The following UTRN variants were observed in gnomAD, a reference collection of about 807,000 sequenced individuals.
The protein encoded by UTRN is dystrophin-related protein 1.
A neutral mutation model predicts 463.9 loss-of-function variants in UTRN; 283 were observed. That is an observed-to-expected ratio of 0.61 (90% CI 0.55 to 0.67). UTRN has a LOEUF of 0.67. Among genes scored for constraint, UTRN ranks in the 30% least tolerant of loss-of-function variants. The pLI is 0.00. For synonymous variants in UTRN, 1,442 were observed against 1,431.5 expected (o/e 1.01, Z -0.17); for missense variants, 3,922 against 4,084.3 (o/e 0.96, Z 1.08).
chr6:144,581,331 A>C (rs1460790478), intron 51 of UTRN, among the ~76,000 whole-genome samples: 1 of 152,170 alleles, frequency 6.6e-6, no homozygotes, highest in East Asian at 1.9e-4. Flanking sequence ...TATATTTAAA[A>C]ATTTCAGCTT....
chr6:144,495,620 A>G (rs1023293641), intron 33 of UTRN, among the ~76,000 whole-genome samples: 2 of 152,234 alleles, frequency 1.3e-5, no homozygotes, highest in Admixed American at 6.5e-5. Flanking sequence ...AGAGCTCCTC[A>G]AGTGCTGCCA....
chr6:144,843,664 G>C (rs956142055), intron 73 of UTRN, among the ~76,000 whole-genome samples: 1 of 152,068 alleles, frequency 6.6e-6, no homozygotes, highest in Non-Finnish European at 1.5e-5. Context: ...CCCTGCATTG[G>C]TCCCCTCTTC....
chr6:144,675,874 G>A (rs1342727156), intron 51 of UTRN, among the ~76,000 whole-genome samples: 1 of 152,148 alleles, frequency 6.6e-6, no homozygotes, highest in Non-Finnish European at 1.5e-5. Context: ...CTAAGCAGGA[G>A]CTGTGCATTA....
intron 2 of UTRN, chr6:144,344,203 T>G (rs1448952039): frequency 3.8e-6 from 5 of 1,303,700 alleles, no homozygotes; most frequent in Non-Finnish European, 5.1e-6. Context: ...TCTAAGCAGA[T>G]GTAGGTGATG....
chr6:144,473,199 T>C (rs951486478), intron 23 of UTRN, among the ~76,000 whole-genome samples: 2 of 152,200 alleles, frequency 1.3e-5, no homozygotes, highest in Non-Finnish European at 2.9e-5. Flanking sequence ...TTTATATATA[T>C]AGTAGGTGCT....
chr6:144,545,467 T>C (rs745565116), intron 46 of UTRN, among the ~76,000 whole-genome samples: 15 of 152,244 alleles, frequency 9.9e-5, no homozygotes, highest in Non-Finnish European at 1.9e-4. Flanking sequence ...CTGTTTCAAA[T>C]ACACTGGTCT....
In UTRN at chr6:144,459,479, G is replaced by A. The variant is rs1789192709; in HGVS notation, c.2707+125G>A. 4 of 1,078,164 alleles carry A rather than the reference G, an allele frequency of 3.7e-6. No individual in the cohort carries two copies. In the South Asian group the frequency reaches 5.5e-5, roughly 15 times the overall value. 66.8% of individuals were successfully genotyped at this position (1,078,164 alleles called of 1,614,324 possible). On this transcript the variant is annotated intron_variant, in intron 21 of 74. Transcript: ENST00000367545. ...ACCTTCTCCATTTTCCTTTGTGCCT[G>A]TATTGTTCAAAGTCTTAAAGTCTTC...
chr6:144,664,199 T>C (rs11755581), intron 51 of UTRN, among the ~76,000 whole-genome samples: 5,254 of 152,284 alleles, frequency 0.035, 192 homozygotes, highest in Admixed American at 0.12. Flanking sequence ...TACCAATGTG[T>C]GTGCATGTGT....
chr6:144,700,081 CA>C lies in UTRN; in HGVS notation c.7653-4del, dbSNP rs767308544. On this transcript the variant is annotated splice_region_variant and splice_polypyrimidine_tract_variant and intron_variant, in intron 52 of 74. Coordinates refer to ENST00000367545, the MANE Select transcript of UTRN (RefSeq NM_007124.3). ...GGTTATTATTATTATTATTATCTCT[CA>C]ACAGGGCCCATTTGGAGGCCAGCGC... The C allele has an allele frequency of 1.1e-5, 17 of 1,586,140 alleles. No homozygotes were observed. The Middle Eastern group carries it at 6.8e-4, about 63-fold the overall frequency.
intron 25 of UTRN, among the ~76,000 whole-genome samples, chr6:144,477,918 T>TCCAC: frequency 1.3e-5 from 2 of 152,090 alleles, no homozygotes; most frequent in South Asian, 4.2e-4. Context: ...TATCCATCCA[T>TCCAC]CCACATACAT....
At chr6:144,617,508 G>A (rs1202381141) in intron 51 of UTRN, among the ~76,000 whole-genome samples, 1 of 152,124 alleles carries the variant, frequency 6.6e-6, no homozygotes, top group African/African-American at 2.4e-5. Flanking sequence ...ATCTGCTGAG[G>A]TTATGTTTAT....
chr6:144,838,327 T>A (rs1781273323), intron 71 of UTRN, among the ~76,000 whole-genome samples: 1 of 152,234 alleles, frequency 6.6e-6, no homozygotes, highest in Non-Finnish European at 1.5e-5. Context: ...TGCAGAGCTC[T>A]TATCTCTTCT....
At chr6:144,483,267 G>C (rs1334094969) in intron 27 of UTRN, among the ~76,000 whole-genome samples, 1 of 152,106 alleles carries the variant, frequency 6.6e-6, no homozygotes, top group Admixed American at 6.5e-5. Context: ...CTTGATTTGG[G>C]ATCTGTCTGC....
chr6:144,331,295 A>G (rs1242474086), intron 2 of UTRN, among the ~76,000 whole-genome samples: 1 of 152,228 alleles, frequency 6.6e-6, no homozygotes, highest in Admixed American at 6.5e-5. Flanking sequence ...CTTGTAAATC[A>G]TCTAGGATAG....
rs113579043 is a variant in UTRN at position 144,632,125 on chromosome 6, T to G, written c.7480-46281T>G. Among the ~76,000 whole-genome samples the G allele has an allele frequency of 3.9e-3, 601 of 152,310 alleles. 4 individuals are homozygous for G. The highest frequency in any genetic ancestry group is 6.7e-3 in the Non-Finnish European group (454 of 68,018). The stretch of plus-strand genomic sequence containing the variant: ...TACATGATCTTGAGGGAACCAAAGT[T>G]GTACTGAGAAAACCCAGTTTCCTCT... On this transcript the variant is annotated intron_variant, in intron 51 of 74. Coordinates refer to ENST00000367545, the MANE Select transcript of UTRN (RefSeq NM_007124.3).
chr6:144,614,500 G>A (rs776541864), intron 51 of UTRN, among the ~76,000 whole-genome samples: 5 of 152,020 alleles, frequency 3.3e-5, no homozygotes, highest in Non-Finnish European at 7.4e-5. Flanking sequence ...GTACAAATTC[G>A]AAAATAATTG....
chr6:144,818,171 C>T (rs1264851544), intron 65 of UTRN, among the ~76,000 whole-genome samples: 1 of 152,086 alleles, frequency 6.6e-6, no homozygotes, highest in Non-Finnish European at 1.5e-5. Flanking sequence ...AGAAGCAAGT[C>T]ATAAAAGACC....
At chr6:144,741,814 T>G (rs1790130874) in intron 54 of UTRN, among the ~76,000 whole-genome samples, 1 of 152,300 alleles carries the variant, frequency 6.6e-6, no homozygotes, top group Non-Finnish European at 1.5e-5. Flanking sequence ...TGGCCCCTGC[T>G]TCTTCCTCCA....
intron 9 of UTRN, 124 bp from the exon 10 acceptor site, chr6:144,435,811 T>G: frequency 2.9e-5 from 30 of 1,027,794 alleles, no homozygotes; most frequent in Non-Finnish European, 4.1e-5. Context: ...ATTTGGCTCC[T>G]GAGAATTGGA....
Sources: gnomAD v4.1 joint callset for allele counts (sites outside exome capture counted in the v4.1 genomes callset) on GRCh38, gnomAD v4.1.1 for gene constraint, MANE v1.5 for transcripts, NCBI Gene and HGNC (gene_info 2026-07-23, HGNC 2026-07-21) for gene names.